The following CROCC2 variants were observed in gnomAD, a reference collection of about 807,000 sequenced individuals.
The protein encoded by CROCC2 is ciliary rootlet coiled-coil, rootletin family member 2.
Under a neutral mutation model 177.6 loss-of-function variants are expected in CROCC2, and 163 were observed. The observed-to-expected ratio is 0.92, with a 90% CI of 0.81 to 1.05. CROCC2 has a LOEUF of 1.05. Among genes scored for constraint, CROCC2 ranks in the 50% least tolerant of loss-of-function variants. CROCC2 has a pLI of 0.00. For synonymous variants in CROCC2, 904 were observed against 787.3 expected (o/e 1.15, Z -2.48); for missense variants, 1,929 against 1,797.8 (o/e 1.07, Z -1.32).
At chr2:240,915,014 G>C (rs747104026) in intron 1 of CROCC2, among the ~76,000 whole-genome samples, 4 of 152,232 alleles carry the variant, frequency 2.6e-5, no homozygotes, top group African/African-American at 4.8e-5. Context: ...TTTCGGTGCA[G>C]ACCTACAGTC....
At chr2:240,981,571 G>T (rs1461652757) in intron 27 of CROCC2, 1 of 152,160 alleles carries the variant, frequency 6.6e-6, no homozygotes, top group Non-Finnish European at 1.5e-5. Flanking sequence ...AGAGGTTTGG[G>T]ACCTCTTAAA....
intron 7 of CROCC2, 103 bp from the exon 8 acceptor site, chr2:240,932,215 A>G (rs1045416726): frequency 1.6e-6 from 1 of 627,460 alleles, no homozygotes; most frequent in African/African-American, 1.8e-5. Context: ...CAGCACCGGC[A>G]GGGGGGCCAC....
intron 27 of CROCC2, among the ~76,000 whole-genome samples, chr2:240,971,297 A>G (rs2106483209): frequency 6.6e-6 from 1 of 152,312 alleles, no homozygotes; most frequent in Admixed American, 6.5e-5. Flanking sequence ...TCACAGGATA[A>G]CGTCAGGGCC....
Position 240,991,203 on chromosome 2 carries a change from G to A in CROCC2, c.4871G>A (p.Ser1624Asn). The A allele has an allele frequency of 6.5e-7, 1 of 1,547,056 alleles. No individual in the cohort carries two copies. The highest frequency in any genetic ancestry group is 8.7e-7 in the Non-Finnish European group (1 of 1,145,246). ...CCACTGTCCTGTCCCCAGGTGGCCAGCCTGAAGGAGCAACTGGACCAGGAA... is the reference window on the plus strand; with the variant it reads ...CCACTGTCCTGTCCCCAGGTGGCCAACCTGAAGGAGCAACTGGACCAGGAA... The part of the protein sequence containing the change: ...QVKVLEEQVA[S>N]LKEQLDQEVQ... Residue 1624 changes from serine (S) to asparagine (N), a missense_variant, in exon 31 of 32, where the codon AGC becomes AAC. Around this residue, in one of 3 missense-constraint regions of CROCC2, gnomAD observed 388 missense variants for 352.7 expected, o/e 1.10. Transcript: ENST00000690015.
At chr2:240,991,793 A>C (rs987469785) in intron 31 of CROCC2, among the ~76,000 whole-genome samples, 2 of 152,252 alleles carry the variant, frequency 1.3e-5, no homozygotes, top group Non-Finnish European at 2.9e-5. Flanking sequence ...CCCCGGCTTC[A>C]TTCCGTGCCC....
Position 240,991,681 on chromosome 2 carries a change from C to T in CROCC2, c.4946+403C>T, listed in dbSNP as rs147489757. On this transcript the variant is annotated intron_variant, in intron 31 of 31. Coordinates refer to ENST00000690015, the MANE Select transcript of CROCC2 (RefSeq NM_001351305.2). ...CTTGGGCATCCTCCCAGCCTGCCCC[C>T]GCCTGGCACCCTCCCAGCCTGCCCC... 4.3e-3 allele frequency among the ~76,000 whole-genome samples: 660 copies of T among 152,076 alleles called. 2 individuals carry two copies. The highest frequency in any genetic ancestry group is 0.015 in the African/African-American group (635 of 41,466).
intron 13 of CROCC2, 57 bp from the exon 14 acceptor site, chr2:240,935,301 C>A: frequency 7.6e-7 from 1 of 1,319,428 alleles, no homozygotes; most frequent in South Asian, 2.3e-5. Flanking sequence ...GGATGGCTGG[C>A]CTACAGGGAC....
chr2:240,920,166 G>T, intron 3 of CROCC2, 32 bp downstream of exon 3: 1 of 624,856 alleles, frequency 1.6e-6, no homozygotes. Flanking sequence ...AGGGCAGGCG[G>T]GAGGTGGCAG....
chr2:240,950,669 AC>A (rs1361977012), intron 18 of CROCC2, 159 bp downstream of exon 18: 4 of 675,356 alleles, frequency 5.9e-6, no homozygotes, highest in African/African-American at 1.8e-5. Context: ...CCACTCACCC[AC>A]CCACCTATCT....
chr2:240,963,867 C>A, intron 21 of CROCC2, 94 bp downstream of exon 21: 3 of 1,339,390 alleles, frequency 2.2e-6, no homozygotes, highest in Non-Finnish European at 2.1e-6. Context: ...TAGGCAGGGG[C>A]GTCCTGTTGA....
At chr2:240,989,564 C>A in intron 29 of CROCC2, 90 bp from the exon 30 acceptor site, 2 of 1,282,966 alleles carry the variant, frequency 1.6e-6, no homozygotes, top group Non-Finnish European at 2.1e-6. Flanking sequence ...CCCACAAGGA[C>A]AGGTGAAACA....
At chr2:240,986,353 C>A (rs1157570465) in intron 28 of CROCC2, among the ~76,000 whole-genome samples, 1 of 152,216 alleles carries the variant, frequency 6.6e-6, no homozygotes, top group African/African-American at 2.4e-5. Flanking sequence ...GCCCACTACC[C>A]AGGCCTCCTC....
At chr2:240,931,219 G>A (rs969332975) in intron 7 of CROCC2, 91 bp downstream of exon 7, 1 of 621,206 alleles carries the variant, frequency 1.6e-6, no homozygotes, top group Non-Finnish European at 2.9e-6. Context: ...TCCCAGATGT[G>A]GTCACACCGT....
chr2:240,933,059 A>G, intron 9 of CROCC2, 72 bp from the exon 10 acceptor site: 1 of 1,536,088 alleles, frequency 6.5e-7, no homozygotes, highest in Non-Finnish European at 8.8e-7. Context: ...GGGGAGTCGC[A>G]AGCCCTGGTG....
Position 240,955,992 on chromosome 2 carries a change from G to A in CROCC2, c.2943+20G>A, listed in dbSNP as rs541639516. The A allele has an allele frequency of 4.6e-6, 7 of 1,520,988 alleles. No individual in the cohort carries two copies. Among genetic ancestry groups the A allele is most frequent in the African/African-American group, 4.1e-5 (3 of 72,796 alleles). The allele number at this position is 1,520,988 out of a possible 1,614,324, so 94.2% of individuals were successfully genotyped here. A position where few individuals can be genotyped will look rare whatever the true frequency, so the allele number is the denominator to read the frequency against. The stretch of plus-strand genomic sequence containing the variant: ...GCGCAGGTGAGCCCCATGCAGCCAG[G>A]CCACGTGCACAGCCAAGCAGGTGCT... On this transcript the variant is annotated intron_variant, in intron 19 of 31. Coordinates refer to ENST00000690015, the MANE Select transcript of CROCC2 (RefSeq NM_001351305.2).
chr2:240,915,493 C>T (rs1181780753), intron 1 of CROCC2, among the ~76,000 whole-genome samples: 1 of 152,236 alleles, frequency 6.6e-6, no homozygotes, highest in Non-Finnish European at 1.5e-5. Context: ...ATGGCCAACG[C>T]TCCCATTTCA....
chr2:240,926,796 G>A (rs116306187), intron 5 of CROCC2, among the ~76,000 whole-genome samples: 1,733 of 152,372 alleles, frequency 0.011, 19 homozygotes, highest in Non-Finnish European at 0.017. Flanking sequence ...TTTACACCCC[G>A]AGAGGGAATG....
At chr2:240,967,811 C>T (rs1378276871) in intron 26 of CROCC2, among the ~76,000 whole-genome samples, 2 of 152,186 alleles carry the variant, frequency 1.3e-5, no homozygotes, top group African/African-American at 4.8e-5. Context: ...GCACCCTCTC[C>T]CCCAGACAGC....
intron 1 of CROCC2, among the ~76,000 whole-genome samples, chr2:240,913,010 C>T (rs547898229): frequency 6.6e-6 from 1 of 152,318 alleles, no homozygotes; most frequent in East Asian, 1.9e-4. Flanking sequence ...ATGCTCAGCC[C>T]ATCTCCCAAT....
Sources: allele counts gnomAD v4.1 joint callset (sites outside exome capture counted in the v4.1 genomes callset), GRCh38; gene constraint gnomAD v4.1.1; regional missense constraint gnomAD v4.1.1; transcripts MANE v1.5; gene names NCBI Gene and HGNC (gene_info 2026-07-23, HGNC 2026-07-21).